The following USP17L2 variants were observed in gnomAD, a reference collection of about 807,000 sequenced individuals.
USP17L2 encodes the protein ubiquitin carboxyl-terminal hydrolase 17.
Under a neutral mutation model 39.8 loss-of-function variants are expected in USP17L2, and 29 were observed. The observed-to-expected ratio is 0.73, with a 90% CI of 0.54 to 0.99. The LOEUF is 0.99. Among genes scored for constraint, USP17L2 ranks in the 50% least tolerant of loss-of-function variants. USP17L2 has a pLI of 0.00. For synonymous variants in USP17L2, 231 were observed against 252.7 expected, an observed-to-expected ratio of 0.91 and a Z score of 0.81; for missense variants, 567 against 647.2, an observed-to-expected ratio of 0.88 and a Z score of 1.35.
Position 12,137,483 on chromosome 8 carries a change from T to A in USP17L2, c.1278A>T (p.Glu426Asp). The part of the protein sequence containing the change: ...QAPELDERLV[E>D]RATQESTLDH... ...CTAAGGTGCTTTCCTGAGTGGCTCT[T>A]TCCACCAAGCGCTCGTCCAACTCGG... The change falls in exon 1 of 1, where the codon GAA becomes GAT. Residue 426 changes from glutamate (E) to aspartate (D), a missense_variant. Glu to Asp is a conservative substitution (Grantham distance 45, BLOSUM62 2). Around this residue, in one of 6 missense-constraint regions of USP17L2, gnomAD observed 304 missense variants for 254.7 expected, o/e 1.19. Coordinates refer to ENST00000333796, the MANE Select transcript of USP17L2 (RefSeq NM_201402.3). 6.5e-7 allele frequency: 1 copy of A among 1,532,800 alleles called. No homozygotes were observed. Among genetic ancestry groups the A allele is most frequent in the Non-Finnish European group, 8.8e-7 (1 of 1,135,170 alleles). 94.9% of individuals were successfully genotyped at this position (1,532,800 alleles called of 1,614,324 possible).
In USP17L2 at chr8:12,137,069, TTG is replaced by T. The variant is rs1190204391; in HGVS notation, c.*97_*98del. The T allele has an allele frequency of 7.3e-3, 8,286 of 1,128,676 alleles. 21 individuals are homozygous for T. The highest frequency in any genetic ancestry group is 9.0e-3 in the Admixed American group (416 of 46,202). 69.9% of individuals were successfully genotyped at this position (1,128,676 alleles called of 1,614,324 possible). On this transcript the variant is annotated 3_prime_UTR_variant, in exon 1 of 1. Transcript: ENST00000333796. ...TATGTAGGATTGACGGTGTTCGTGT[TTG>T]TGTGTGTGTGTGTGTTTGCGTGCGC...
rs199985479 is a variant in USP17L2, at chr8:12,138,613, C to T, written c.148G>A (p.Asp50Asn). The T allele has an allele frequency of 2.2e-4, 341 of 1,530,522 alleles. 17 individuals are homozygous for T. The Middle Eastern group carries it at 3.4e-3, about 15-fold the overall frequency. 94.8% of individuals were successfully genotyped at this position (1,530,522 alleles called of 1,614,324 possible). ...ACAGGAGCCAAATCATCACAGAGGT[C>T]GACACGGGCCTCAGATGAGAGTGGT... is the stretch of plus-strand genomic sequence containing the variant. ...KSPLSSEARV[D>N]LCDDLAPVAR... Residue 50 changes from aspartate (D) to asparagine (N), a missense_variant, in exon 1 of 1, where the codon GAC becomes AAC. Asp to Asn is a conservative substitution (Grantham distance 23, BLOSUM62 1). Transcript: ENST00000333796.
rs371735438 is a variant in USP17L2, at chr8:12,137,245, C to T, written c.1516G>A (p.Ala506Thr). ...CTCCTGGTCCTCCCTTGCAGAGAAG[C>T]GAGGGTGCCAGTGTTCACGGACTCC... ...DQESVNTGTL[A>T]SLQGRTRRSK... is the part of the protein sequence containing the mutation. Residue 506 changes from alanine (A) to threonine (T), a missense_variant, in exon 1 of 1, where the codon GCT becomes ACT. Physicochemically the swap from Ala to Thr is moderately conservative, Grantham distance 58. Transcript: ENST00000333796. 4.6e-5 allele frequency: 70 copies of T among 1,530,320 alleles called. 3 individuals carry two copies. Among genetic ancestry groups the T allele is most frequent in the Middle Eastern group, 4.8e-4 (2 of 4,136 alleles). 94.8% of individuals were successfully genotyped at this position (1,530,320 alleles called of 1,614,324 possible). A position where few individuals can be genotyped will look rare whatever the true frequency, so the allele number is the denominator to read the frequency against.
Position 12,137,696 on chromosome 8 carries a change from A to G in USP17L2, c.1065T>C (p.Thr355=), listed in dbSNP as rs201263364. The change falls in exon 1 of 1, where the codon ACT becomes ACC. Residue 355 remains threonine, a synonymous_variant. Coordinates refer to ENST00000333796, the MANE Select transcript of USP17L2 (RefSeq NM_201402.3). ...QWYKMDDAKV[T]ACSITSVLSQ... ...TCAGGACAGAAGTGATGCTACAGGC[A>G]GTGACCTTGGCATCATCCATTTTAT... 4 of 1,533,898 alleles carry G rather than the reference A, an allele frequency of 2.6e-6. 2 individuals are homozygous for G. In the East Asian group the frequency reaches 1.0e-4, roughly 40 times the overall value.
rs1180790752 is a variant in USP17L2, at chr8:12,136,904, A to C, written c.*264T>G. Reference sequence around the variant, plus strand: ...TGTCATCTACCATGAACACAAACACACAGACAGTCTCTCCAGAGGTTCGGA... The same window carrying C: ...TGTCATCTACCATGAACACAAACACCCAGACAGTCTCTCCAGAGGTTCGGA... On this transcript the variant is annotated 3_prime_UTR_variant, in exon 1 of 1. Transcript: ENST00000333796. Among the ~76,000 whole-genome samples, 1 of 140,386 alleles carries C rather than the reference A, an allele frequency of 7.1e-6. No homozygotes were observed. The highest frequency in any genetic ancestry group is 7.2e-5 in the Admixed American group (1 of 13,848). 92.1% of individuals were successfully genotyped at this position (140,386 alleles called of 152,430 possible).
chr8:12,137,148 G>T lies in USP17L2; in HGVS notation c.*20C>A. On this transcript the variant is annotated 3_prime_UTR_variant, in exon 1 of 1. Coordinates refer to ENST00000333796, the MANE Select transcript of USP17L2 (RefSeq NM_201402.3). ...GTGTGTGCGTTCACCCCTACGTGTG[G>T]GTCGGCACTTCCACTGAGATCACTG... 3.9e-6 allele frequency: 6 copies of T among 1,528,498 alleles called. 1 individual carries two copies. The highest frequency in any genetic ancestry group is 3.6e-5 in the Admixed American group (2 of 55,818). 94.7% of individuals were successfully genotyped at this position (1,528,498 alleles called of 1,614,324 possible). A position where few individuals can be genotyped will look rare whatever the true frequency, so the allele number is the denominator to read the frequency against.
Position 12,137,478 on chromosome 8 carries a change from G to T in USP17L2, c.1283C>A (p.Ala428Asp), listed in dbSNP as rs369195548. 25 of 1,532,390 alleles carry T rather than the reference G, an allele frequency of 1.6e-5. No homozygotes were observed. The highest frequency in any genetic ancestry group is 3.6e-5 in the Admixed American group (2 of 55,916). The allele number at this position is 1,532,390 out of a possible 1,614,324, so 94.9% of individuals were successfully genotyped here. Reference sequence around the variant, plus strand: ...GTGGTCTAAGGTGCTTTCCTGAGTGGCTCTTTCCACCAAGCGCTCGTCCAA... The same window carrying T: ...GTGGTCTAAGGTGCTTTCCTGAGTGTCTCTTTCCACCAAGCGCTCGTCCAA... ...PELDERLVER[A>D]TQESTLDHWK... Residue 428 changes from alanine to aspartate, a missense_variant, in exon 1 of 1, where the codon GCC (alanine) becomes GAC (aspartate). By Grantham distance (126) the Ala-to-Asp change is moderately radical. Around this residue, in one of 6 missense-constraint regions of USP17L2, gnomAD observed 304 missense variants for 254.7 expected, o/e 1.19. Transcript: ENST00000333796.
rs1422195224 is a variant in USP17L2 at position 12,138,005 on chromosome 8, A to G, written c.756T>C (p.Tyr252=). The G allele has an allele frequency of 1.4e-6, 2 of 1,466,580 alleles. No homozygotes were observed. Among genetic ancestry groups the G allele is most frequent in the Non-Finnish European group, 1.9e-6 (2 of 1,080,018 alleles). 90.8% of individuals were successfully genotyped at this position (1,466,580 alleles called of 1,614,324 possible). Residue 252 remains tyrosine (Y), a synonymous_variant, in exon 1 of 1, where the codon TAT becomes TAC. Coordinates refer to ENST00000333796, the MANE Select transcript of USP17L2 (RefSeq NM_201402.3). ...CCCTCTGGAGACAAAGACCGCAATG[A>G]TAGGCATTCTCTCCATTGAGTTCTT... ...KPEELNGENA[Y]HCGLCLQRAP... is the part of the protein sequence containing the mutation.
Position 12,137,861 on chromosome 8 carries a change from G to C in USP17L2, c.900C>G (p.Cys300Trp). Reference sequence around the variant, plus strand: ...GAGACATGTATGGCTGCATGTCAAGGCACTCAGGATATTGCACATTCTTGG... The same window carrying C: ...GAGACATGTATGGCTGCATGTCAAGCCACTCAGGATATTGCACATTCTTGG... ...KLAKNVQYPE[C>W]LDMQPYMSQQ... is the part of the protein sequence containing the mutation. The change falls in exon 1 of 1, where the codon TGC becomes TGG. Residue 300 changes from cysteine (C) to tryptophan (W), a missense_variant. This residue lies in a region of USP17L2 where 65 missense variants were observed against 84.8 expected (regional missense o/e 0.77). Transcript: ENST00000333796. 1 of 1,518,176 alleles carries C rather than the reference G, an allele frequency of 6.6e-7. No homozygotes were observed. Among genetic ancestry groups the C allele is most frequent in the Non-Finnish European group, 8.9e-7 (1 of 1,119,628 alleles). 94.0% of individuals were successfully genotyped at this position (1,518,176 alleles called of 1,614,324 possible).
In USP17L2 at chr8:12,137,270, C is replaced by A. The variant is rs773169134; in HGVS notation, c.1491G>T (p.Gln497His). 3 of 1,530,820 alleles carry A rather than the reference C, an allele frequency of 2.0e-6. No homozygotes were observed. Among genetic ancestry groups the A allele is most frequent in the East Asian group, 2.6e-5 (1 of 38,230 alleles). The allele number at this position is 1,530,820 out of a possible 1,614,324, so 94.8% of individuals were successfully genotyped here. A position where few individuals can be genotyped will look rare whatever the true frequency, so the allele number is the denominator to read the frequency against. ...LNLSSTTRTD[Q>H]ESVNTGTLAS... is the part of the protein sequence containing the mutation. The stretch of plus-strand genomic sequence containing the variant: ...CGAGGGTGCCAGTGTTCACGGACTC[C>A]TGATCTGTCCGGGTCGTCGAAGAGA... The change falls in exon 1 of 1, where the codon CAG (glutamine) becomes CAT (histidine). Residue 497 changes from glutamine to histidine, a missense_variant. Physicochemically the swap from Gln to His is conservative, Grantham distance 24 (BLOSUM62 0). Coordinates refer to ENST00000333796, the MANE Select transcript of USP17L2 (RefSeq NM_201402.3).
rs765013265 is a variant in USP17L2 at position 12,137,281 on chromosome 8, G to T, written c.1480C>A (p.Arg494=). 1.3e-6 allele frequency: 2 copies of T among 1,530,804 alleles called. No individual in the cohort carries two copies. Among genetic ancestry groups the T allele is most frequent in the South Asian group, 2.5e-5 (2 of 81,284 alleles). The allele number at this position is 1,530,804 out of a possible 1,614,324, so 94.8% of individuals were successfully genotyped here. The change falls in exon 1 of 1, where the codon CGG becomes AGG. Residue 494 remains arginine (R), a synonymous_variant. Coordinates refer to ENST00000333796, the MANE Select transcript of USP17L2 (RefSeq NM_201402.3). ...SSLLNLSSTT[R]TDQESVNTGT... ...GTGTTCACGGACTCCTGATCTGTCC[G>T]GGTCGTCGAAGAGAGGTTTAGCAGG...
Position 12,137,097 on chromosome 8 carries a change from G to T in USP17L2, c.*71C>A. 1.4e-6 allele frequency: 2 copies of T among 1,440,672 alleles called. No individual in the cohort carries two copies. Among genetic ancestry groups the T allele is most frequent in the Non-Finnish European group, 1.9e-6 (2 of 1,055,570 alleles). 89.2% of individuals were successfully genotyped at this position (1,440,672 alleles called of 1,614,324 possible). ...TGTGTGTGTGTGTGTTTGCGTGCGC[G>T]CTTGTGGGTGTATTTGTGCGTGTGT... On this transcript the variant is annotated 3_prime_UTR_variant, in exon 1 of 1. Coordinates refer to ENST00000333796, the MANE Select transcript of USP17L2 (RefSeq NM_201402.3).
rs756218767 is a variant in USP17L2, at chr8:12,137,453, G to C, written c.1308C>G (p.His436Gln). ...TGTTTTGCTCTTGGGGGAATTTCCA[G>C]TGGTCTAAGGTGCTTTCCTGAGTGG... ...ERATQESTLDHWKFPQEQNKT... is the reference protein window; with the variant it reads ...ERATQESTLDQWKFPQEQNKT... Residue 436 changes from histidine to glutamine, a missense_variant, in exon 1 of 1, where the codon CAC (histidine) becomes CAG (glutamine). Physicochemically the swap from His to Gln is conservative, Grantham distance 24. Around this residue, in one of 6 missense-constraint regions of USP17L2, gnomAD observed 304 missense variants for 254.7 expected, o/e 1.19. Transcript: ENST00000333796. 1 of 1,532,540 alleles carries C rather than the reference G, an allele frequency of 6.5e-7. No homozygotes were observed. Among genetic ancestry groups the C allele is most frequent in the African/African-American group, 1.5e-5 (1 of 68,260 alleles). The allele number at this position is 1,532,540 out of a possible 1,614,324, so 94.9% of individuals were successfully genotyped here.
rs1331554797 is a variant in USP17L2 at position 12,138,331 on chromosome 8, G to C, written c.430C>G (p.Gln144Glu). ...WALHSPGHVIQPSQALAAGFH... is the reference protein window; with the variant it reads ...WALHSPGHVIEPSQALAAGFH... ...CCAGCAGCCAATGCCTGTGAGGGCT[G>C]GATGACATGACCAGGACTGTGGAGG... Residue 144 changes from glutamine to glutamate, a missense_variant, in exon 1 of 1, where the codon CAG becomes GAG. Gln to Glu is a conservative substitution (Grantham distance 29). Transcript: ENST00000333796. The C allele has an allele frequency of 2.6e-6, 4 of 1,519,000 alleles. 1 individual carries two copies. In the Admixed American group the frequency reaches 5.4e-5, roughly 20 times the overall value. The allele number at this position is 1,519,000 out of a possible 1,614,324, so 94.1% of individuals were successfully genotyped here.
At position 12,136,764 on chromosome 8, in the gene USP17L2, C is replaced by T. The variant is rs1329211192; in HGVS notation, c.*404G>A. 7.1e-6 allele frequency among the ~76,000 whole-genome samples: 1 copy of T among 140,634 alleles called. No homozygotes were observed. Among genetic ancestry groups the T allele is most frequent in the Admixed American group, 7.2e-5 (1 of 13,844 alleles). The allele number at this position is 140,634 out of a possible 152,430, so 92.3% of individuals were successfully genotyped here. A position where few individuals can be genotyped will look rare whatever the true frequency, so the allele number is the denominator to read the frequency against. ...GCAAAATTTCACCTTCTCGTGCCGC[C>T]CAACAACTGACGAATGAAACACACC... On this transcript the variant is annotated 3_prime_UTR_variant, in exon 1 of 1. Transcript: ENST00000333796.
In USP17L2 at chr8:12,138,602, A is replaced by C; in HGVS notation, c.159T>G (p.Asp53Glu). 2 of 1,530,870 alleles carry C rather than the reference A, an allele frequency of 1.3e-6. No individual in the cohort carries two copies. The highest frequency in any genetic ancestry group is 8.8e-7 in the Non-Finnish European group (1 of 1,135,016). 94.8% of individuals were successfully genotyped at this position (1,530,870 alleles called of 1,614,324 possible). A position where few individuals can be genotyped will look rare whatever the true frequency, so the allele number is the denominator to read the frequency against. Residue 53 changes from aspartate (D) to glutamate (E), a missense_variant, in exon 1 of 1, where the codon GAT becomes GAG. Physicochemically the swap from Asp to Glu is conservative, Grantham distance 45. This residue lies in a region of USP17L2 where 120 missense variants were observed against 111.0 expected (regional missense o/e 1.08). Coordinates refer to ENST00000333796, the MANE Select transcript of USP17L2 (RefSeq NM_201402.3). ...LSSEARVDLC[D>E]DLAPVARQLA... is the part of the protein sequence containing the mutation. ...GCTGTCTTGCCACAGGAGCCAAATC[A>C]TCACAGAGGTCGACACGGGCCTCAG...
rs1563163507 is a variant in USP17L2 at position 12,138,803 on chromosome 8, CAGGTTGCAGCA to C, written c.-54_-44del. 1.2e-6 allele frequency: 1 copy of C among 813,456 alleles called. No individual in the cohort carries two copies. The highest frequency in any genetic ancestry group is 1.8e-5 in the African/African-American group (1 of 55,504). The allele number at this position is 813,456 out of a possible 1,614,324, so 50.4% of individuals were successfully genotyped here. On this transcript the variant is annotated 5_prime_UTR_variant, in exon 1 of 1. Transcript: ENST00000333796. Reference sequence around the variant, plus strand: ...TCACAAGGTTTTTCTGCTGGGACTGCAGGTTGCAGCAAGACGCTATCTCTTCCAAGAGAGTC... The same window carrying C: ...TCACAAGGTTTTTCTGCTGGGACTGCAGACGCTATCTCTTCCAAGAGAGTC...
chr8:12,137,286 G>A lies in USP17L2; in HGVS notation c.1475C>T (p.Thr492Met), dbSNP rs201012791. 4.7e-4 allele frequency: 718 copies of A among 1,530,918 alleles called. 67 individuals are homozygous for A. The highest frequency in any genetic ancestry group is 5.5e-4 in the Admixed American group (31 of 55,864). 94.8% of individuals were successfully genotyped at this position (1,530,918 alleles called of 1,614,324 possible). ...QQSSLLNLSS[T>M]TRTDQESVNT... ...CACGGACTCCTGATCTGTCCGGGTC[G>A]TCGAAGAGAGGTTTAGCAGGGAGCT... Residue 492 changes from threonine (T) to methionine (M), a missense_variant, in exon 1 of 1, where the codon ACG (threonine) becomes ATG (methionine). Thr to Met is a moderately conservative substitution (Grantham distance 81, BLOSUM62 -1). Transcript: ENST00000333796.
chr8:12,137,370 A>G lies in USP17L2; in HGVS notation c.1391T>C (p.Leu464Pro), dbSNP rs747217523. 18 of 1,531,666 alleles carry G rather than the reference A, an allele frequency of 1.2e-5. 1 individual carries two copies. The highest frequency in any genetic ancestry group is 1.6e-5 in the Non-Finnish European group (18 of 1,135,322). 94.9% of individuals were successfully genotyped at this position (1,531,666 alleles called of 1,614,324 possible). A position where few individuals can be genotyped will look rare whatever the true frequency, so the allele number is the denominator to read the frequency against. ...KVEGTLPPNV[L>P]VIHQSKYKCG... is the part of the protein sequence containing the mutation. ...CTTGTATTTCGATTGATGAATCACA[A>G]GTACGTTGGGAGGCAGGGTACCTTC... The change falls in exon 1 of 1, where the codon CTT becomes CCT. Residue 464 changes from leucine to proline, a missense_variant. Coordinates refer to ENST00000333796, the MANE Select transcript of USP17L2 (RefSeq NM_201402.3).
Sources: gnomAD v4.1 joint callset for allele counts (sites outside exome capture counted in the v4.1 genomes callset) on GRCh38, gnomAD v4.1.1 for gene constraint, gnomAD v4.1.1 regional missense constraint, MANE v1.5 for transcripts, NCBI Gene and HGNC (gene_info 2026-07-23, HGNC 2026-07-21) for gene names.